Variants in SLC12A7 observed in about 807,000 individuals in gnomAD.
The protein encoded by SLC12A7 is K-Cl cotransporter 4.
SLC12A7 carries 100 observed loss-of-function variants against 120.6 expected under a neutral mutation model. The ratio of observed to expected loss-of-function variants is 0.83; its 90% confidence interval spans 0.71 to 0.98. The LOEUF is 0.98. SLC12A7 is among the 50% of genes least tolerant of loss of function. SLC12A7 has a pLI of 0.00. For synonymous variants in SLC12A7, 760 were observed against 678.0 expected (o/e 1.12, Z -1.88); for missense variants, 1,373 against 1,548.1 (o/e 0.89, Z 1.90).
chr5:1,147,242 ACCCCGCCACCCC>A, the SLC12A7 span, among the ~76,000 whole-genome samples: 3 of 89,424 alleles, frequency 3.4e-5, no homozygotes, highest in Non-Finnish European at 4.7e-5. Context: ...ATCACGGCCC[ACCCCGCCACCCC>A]CCCCGCCCCC....
At chr5:1,096,655 TAGAGGGAGGGAGGGAAGGAAGAAA>T (rs1421888118) in intron 1 of SLC12A7, among the ~76,000 whole-genome samples, 4 of 132,460 alleles carry the variant, frequency 3.0e-5, no homozygotes, top group South Asian at 5.1e-4. Flanking sequence ...CAGCTATTCT[TAGAGGGAGGGAGGGAAGGAAGAAA>T]GGAGGGAGGG....
chr5:1,063,430 T>C lies in SLC12A7; in HGVS notation c.2739+414A>G, dbSNP rs984004038. Among the ~76,000 whole-genome samples, 3 of 152,064 alleles carry C rather than the reference T, an allele frequency of 2.0e-5. No individual in the cohort carries two copies. The East Asian group carries it at 5.8e-4, about 29-fold the overall frequency. ...CCGGGCCGAGGAGGACACGGGACCA[T>C]GGAGGACACGGAGATGCTGATGCCG... On this transcript the variant is annotated intron_variant, in intron 20 of 23. Transcript: ENST00000264930.
At chr5:1,134,493 A>G in the SLC12A7 span, among the ~76,000 whole-genome samples, 1 of 152,154 alleles carries the variant, frequency 6.6e-6, no homozygotes, top group Non-Finnish European at 1.5e-5. Flanking sequence ...TTGAACACCC[A>G]TGAAGACGGC....
intron 17 of SLC12A7, among the ~76,000 whole-genome samples, chr5:1,067,672 C>T (rs773796408): frequency 4.6e-5 from 7 of 152,214 alleles, no homozygotes; most frequent in East Asian, 1.9e-4. Flanking sequence ...GTGCTGGCTC[C>T]GAGGAGTCGG....
Position 1,077,815 on chromosome 5 carries a change from C to A in SLC12A7, c.1629+18G>T. On this transcript the variant is annotated intron_variant, in intron 12 of 23. Coordinates refer to ENST00000264930, the MANE Select transcript of SLC12A7 (RefSeq NM_006598.3). Reference sequence around the variant, plus strand: ...CCCTGACCTTCCAGGGTCCCCCCGACGAGGGTGCGGGACTCACCTGCAGGA... The same window carrying A: ...CCCTGACCTTCCAGGGTCCCCCCGAAGAGGGTGCGGGACTCACCTGCAGGA... 1 of 1,557,470 alleles carries A rather than the reference C, an allele frequency of 6.4e-7. No individual in the cohort carries two copies. The highest frequency in any genetic ancestry group is 8.7e-7 in the Non-Finnish European group (1 of 1,151,584).
the SLC12A7 span, among the ~76,000 whole-genome samples, chr5:1,144,391 G>A: frequency 1.3e-3 from 201 of 152,374 alleles, 2 homozygotes; most frequent in Admixed American, 0.011. Flanking sequence ...TGGAGAGTCA[G>A]GGTTTTCACT....
At chr5:1,111,181 G>T (rs1742971605) in intron 1 of SLC12A7, among the ~76,000 whole-genome samples, 1 of 152,128 alleles carries the variant, frequency 6.6e-6, no homozygotes, top group Non-Finnish European at 1.5e-5. Context: ...GAGTAACTGG[G>T]ATTTGGAGCC....
rs370233206 is a variant in SLC12A7 at position 1,077,816 on chromosome 5, G to T, written c.1629+17C>A. The T allele has an allele frequency of 1.3e-6, 2 of 1,559,892 alleles. No individual in the cohort carries two copies. The highest frequency in any genetic ancestry group is 8.7e-7 in the Non-Finnish European group (1 of 1,152,892). On this transcript the variant is annotated intron_variant, in intron 12 of 23. Transcript: ENST00000264930. The stretch of plus-strand genomic sequence containing the variant: ...CCTGACCTTCCAGGGTCCCCCCGAC[G>T]AGGGTGCGGGACTCACCTGCAGGAA...
rs536998923 is a variant in SLC12A7 at position 1,083,250 on chromosome 5, T to A, written c.1129+495A>T. On this transcript the variant is annotated intron_variant, in intron 8 of 23. Coordinates refer to ENST00000264930, the MANE Select transcript of SLC12A7 (RefSeq NM_006598.3). ...TCTGGAAAGCCTGGGCTTCCTGTCT[T>A]GGGTTCTGGAAAGCCTGGGCTTCCC... 3.4e-3 allele frequency among the ~76,000 whole-genome samples: 439 copies of A among 128,788 alleles called. 3 individuals are homozygous for A. Among genetic ancestry groups the A allele is most frequent in the South Asian group, 0.016 (62 of 3,872 alleles). 84.5% of individuals were successfully genotyped at this position (128,788 alleles called of 152,430 possible).
the SLC12A7 span, among the ~76,000 whole-genome samples, chr5:1,131,473 G>A: frequency 2.0e-5 from 3 of 152,204 alleles, no homozygotes; most frequent in Non-Finnish European, 2.9e-5. Context: ...CTGCACGGCC[G>A]CCACGCTGTC....
intron 3 of SLC12A7, among the ~76,000 whole-genome samples, chr5:1,092,895 G>A (rs1056622283): frequency 2.4e-4 from 37 of 152,076 alleles, no homozygotes; most frequent in African/African-American, 8.0e-4. Context: ...GCCTGTGAGC[G>A]TCACCTCAGG....
At position 1,081,557 on chromosome 5, in the gene SLC12A7, G is replaced by A; in HGVS notation, c.1297+20C>T. 1 of 1,591,882 alleles carries A rather than the reference G, an allele frequency of 6.3e-7. No homozygotes were observed. On this transcript the variant is annotated intron_variant, in intron 9 of 23. Transcript: ENST00000264930. The stretch of plus-strand genomic sequence containing the variant: ...GGGAGAGAAAGAAAGAGAAGGGGAA[G>A]CCTGGAGCAGCGGGCTCACCGGTCA...
intron 3 of SLC12A7, 55 bp from the exon 4 acceptor site, chr5:1,089,183 C>CCCCTCCCCAGGCTGCA: frequency 6.3e-7 from 1 of 1,581,584 alleles, no homozygotes; most frequent in South Asian, 1.1e-5. Flanking sequence ...CAGAGGGAGC[C>CCCCTCCCCAGGCTGCA]CCCTCCCCAG....
chr5:1,137,623 G>A, the SLC12A7 span, among the ~76,000 whole-genome samples: 34,939 of 152,020 alleles, frequency 0.23, 4,814 homozygotes, highest in African/African-American at 0.37. Context: ...TCATGTCCAT[G>A]GCCTCATCCT....
rs779270948 is a variant in SLC12A7 at position 1,085,356 on chromosome 5, C to T, written c.793G>A (p.Val265Met). The change falls in exon 7 of 24, where the codon GTG becomes ATG. Residue 265 changes from valine to methionine, a missense_variant. Val to Met is a conservative substitution (Grantham distance 21). Transcript: ENST00000264930. ...ACATACTTGACGCCCACGAAGACCA[C>T]CAGGGCCATGAGCACGAGCGTGCAC... ...GTCTLVLMAL[V>M]VFVGVKYVNK... is the part of the protein sequence containing the mutation. 6.2e-7 allele frequency: 1 copy of T among 1,612,604 alleles called. No individual in the cohort carries two copies. The highest frequency in any genetic ancestry group is 1.7e-5 in the Admixed American group (1 of 59,994).
In SLC12A7 at chr5:1,065,307, G is replaced by A. The variant is rs968771477; in HGVS notation, c.2413C>T (p.Pro805Ser). The A allele has an allele frequency of 1.9e-6, 3 of 1,579,442 alleles. No individual in the cohort carries two copies. The highest frequency in any genetic ancestry group is 1.4e-5 in the African/African-American group (1 of 73,916). ...CCCACAAAGTTCTTCCAGGAGAAGG[G>A]GTTGTCCTCCTGCTTCCAGGATGCG... Reference protein sequence around the residue: ...WPASWKQEDNPFSWKNFVDTV... With the variant: ...WPASWKQEDNSFSWKNFVDTV... The change falls in exon 18 of 24, where the codon CCC becomes TCC. Residue 805 changes from proline (P) to serine (S), a missense_variant. Pro to Ser is a moderately conservative substitution (Grantham distance 74). Coordinates refer to ENST00000264930, the MANE Select transcript of SLC12A7 (RefSeq NM_006598.3).
chr5:1,065,097 C>T lies in SLC12A7; in HGVS notation c.2437+186G>A, dbSNP rs878908237. Among the ~76,000 whole-genome samples the T allele has an allele frequency of 1.2e-4, 7 of 56,010 alleles. No individual in the cohort carries two copies. In the East Asian group the frequency reaches 3.8e-3, roughly 30 times the overall value. 36.7% of individuals were successfully genotyped at this position (56,010 alleles called of 152,430 possible). A position where few individuals can be genotyped will look rare whatever the true frequency, so the allele number is the denominator to read the frequency against. ...AGCAAGGGGACACTGAGGAGACACA[C>T]AGGGGACAGTGAGGGGACGGCGAGG... is the stretch of plus-strand genomic sequence containing the variant. On this transcript the variant is annotated intron_variant, in intron 18 of 23. Transcript: ENST00000264930.
rs1172369005 is a variant in SLC12A7, at chr5:1,051,671, C to T, written c.*689G>A. 1 of 152,360 alleles carries T rather than the reference C, an allele frequency of 6.6e-6. No homozygotes were observed. Among genetic ancestry groups the T allele is most frequent in the African/African-American group, 2.4e-5 (1 of 41,480 alleles). 9.4% of individuals were successfully genotyped at this position (152,360 alleles called of 1,614,324 possible). On this transcript the variant is annotated 3_prime_UTR_variant, in exon 24 of 24. Transcript: ENST00000264930. ...TAGGCCCTGATGAACTGAACGTGTT[C>T]ACCACACACCCGACAGATGATCCAC...
At chr5:1,103,733 C>T (rs1040057174) in intron 1 of SLC12A7, among the ~76,000 whole-genome samples, 30 of 152,382 alleles carry the variant, frequency 2.0e-4, no homozygotes, top group Admixed American at 9.1e-4. Context: ...GCACGACCCA[C>T]GGGGCGGGGT....
Sources: gnomAD v4.1 joint callset for allele counts (sites outside exome capture counted in the v4.1 genomes callset) on GRCh38, gnomAD v4.1.1 for gene constraint, MANE v1.5 for transcripts, NCBI Gene and HGNC (gene_info 2026-07-23, HGNC 2026-07-21) for gene names.